The following ADAMTS6 variants were observed in gnomAD, a reference collection of about 807,000 sequenced individuals.
ADAMTS6 encodes A disintegrin and metalloproteinase with thrombospondin motifs 6.
Under a neutral mutation model 144.3 loss-of-function variants are expected in ADAMTS6, and 23 were observed. The observed-to-expected ratio is 0.16, with a 90% CI of 0.11 to 0.23. ADAMTS6 has a LOEUF of 0.23. Among genes scored for constraint, ADAMTS6 ranks in the 10% least tolerant of loss-of-function variants. The probability of loss-of-function intolerance (pLI) is 1.00; values close to 1 mark genes in which losing one functional copy is unlikely to be tolerated. For synonymous variants in ADAMTS6, 444 were observed against 457.5 expected, an observed-to-expected ratio of 0.97 and a Z score of 0.38; for missense variants, 999 against 1,379.6, an observed-to-expected ratio of 0.72 and a Z score of 4.37.
chr5:65,370,567 C>T (rs1387575441), intron 7 of ADAMTS6, among the ~76,000 whole-genome samples: 4 of 152,286 alleles, frequency 2.6e-5, no homozygotes, highest in South Asian at 2.1e-4. Context: ...GCTTTTCCGA[C>T]GGGCTTAAAA....
intron 18 of ADAMTS6, among the ~76,000 whole-genome samples, chr5:65,222,907 A>G (rs1270404669): frequency 6.6e-6 from 1 of 152,006 alleles, no homozygotes; most frequent in Admixed American, 6.6e-5. Flanking sequence ...ATGAAGACGC[A>G]AGCAGAAACT....
chr5:65,433,430 C>T (rs1757147614), intron 7 of ADAMTS6, among the ~76,000 whole-genome samples: 1 of 152,192 alleles, frequency 6.6e-6, no homozygotes, highest in Non-Finnish European at 1.5e-5. Flanking sequence ...TGCGTGACTA[C>T]AAAATCCACT....
intron 14 of ADAMTS6, among the ~76,000 whole-genome samples, chr5:65,246,213 C>T (rs1298595614): frequency 6.6e-6 from 1 of 152,180 alleles, no homozygotes; most frequent in African/African-American, 2.4e-5. Context: ...TATCCTTCTC[C>T]TTTCTTCTGG....
intron 7 of ADAMTS6, among the ~76,000 whole-genome samples, chr5:65,341,048 CAAG>C (rs1747772057): frequency 6.6e-6 from 1 of 151,742 alleles, no homozygotes; most frequent in African/African-American, 2.4e-5. Flanking sequence ...ATCAGATGTT[CAAG>C]AAGAACACTC....
At chr5:65,184,802 A>C (rs1754569964) in intron 22 of ADAMTS6, among the ~76,000 whole-genome samples, 1 of 151,870 alleles carries the variant, frequency 6.6e-6, no homozygotes, top group Non-Finnish European at 1.5e-5. Flanking sequence ...AGGTAATTTA[A>C]CTTTTTTTTT....
intron 7 of ADAMTS6, among the ~76,000 whole-genome samples, chr5:65,371,678 C>A (rs1029782892): frequency 6.6e-6 from 1 of 152,108 alleles, no homozygotes; most frequent in Non-Finnish European, 1.5e-5. Flanking sequence ...GAGAATGGAA[C>A]CAAGTTGGAA....
intron 3 of ADAMTS6, among the ~76,000 whole-genome samples, chr5:65,461,571 C>T (rs1234356484): frequency 4.0e-5 from 6 of 151,256 alleles, no homozygotes; most frequent in African/African-American, 1.5e-4. Flanking sequence ...CCCTGTAACA[C>T]CAGATAAAAT....
intron 11 of ADAMTS6, among the ~76,000 whole-genome samples, chr5:65,288,034 A>T (rs536948456): frequency 6.6e-6 from 1 of 152,346 alleles, no homozygotes; most frequent in East Asian, 1.9e-4. Flanking sequence ...ACACTTGAAA[A>T]ATAAGAAAAG....
intron 7 of ADAMTS6, among the ~76,000 whole-genome samples, chr5:65,360,046 A>G (rs1001435994): frequency 5.3e-5 from 8 of 152,244 alleles, no homozygotes; most frequent in Non-Finnish European, 1.0e-4. Context: ...TTGCACTGCT[A>G]TAAAGAAATA....
At chr5:65,294,389 T>C (rs1332087113) in intron 10 of ADAMTS6, among the ~76,000 whole-genome samples, 1 of 152,124 alleles carries the variant, frequency 6.6e-6, no homozygotes, top group Admixed American at 6.6e-5. Context: ...TTTGTATCTT[T>C]TGTAGATACT....
At chr5:65,248,780 G>C (rs1342203855) in intron 14 of ADAMTS6, among the ~76,000 whole-genome samples, 2 of 151,840 alleles carry the variant, frequency 1.3e-5, no homozygotes, top group Admixed American at 1.3e-4. Context: ...GAGCCTGACT[G>C]TCTCCAAAAA....
chr5:65,221,896 C>T (rs1278102547), intron 18 of ADAMTS6, among the ~76,000 whole-genome samples: 1 of 151,890 alleles, frequency 6.6e-6, no homozygotes, highest in Non-Finnish European at 1.5e-5. Context: ...TACAATAGCA[C>T]CAAAAAGCAT....
At chr5:65,333,546 T>C (rs1746984627) in intron 8 of ADAMTS6, among the ~76,000 whole-genome samples, 1 of 151,908 alleles carries the variant, frequency 6.6e-6, no homozygotes, top group Non-Finnish European at 1.5e-5. Context: ...CTATACTTTT[T>C]CCACAAAATT....
At chr5:65,467,117 T>C (rs993574059) in intron 3 of ADAMTS6, among the ~76,000 whole-genome samples, 1 of 150,484 alleles carries the variant, frequency 6.6e-6, no homozygotes, top group African/African-American at 2.4e-5. Flanking sequence ...ATATGACTGC[T>C]GTAATTTTTT....
intron 1 of ADAMTS6, among the ~76,000 whole-genome samples, chr5:65,480,005 GCA>G (rs1761091412): frequency 6.6e-6 from 1 of 152,128 alleles, no homozygotes; most frequent in Admixed American, 6.5e-5. Flanking sequence ...AAACCAGACT[GCA>G]GTTACCACTT....
intron 3 of ADAMTS6, 100 bp downstream of exon 3, chr5:65,470,678 C>A: frequency 2.1e-6 from 2 of 941,906 alleles, no homozygotes; most frequent in Non-Finnish European, 2.8e-6. Flanking sequence ...CTTAAACTAC[C>A]TATATATATA....
chr5:65,257,515 T>C (rs1429929021), intron 14 of ADAMTS6, among the ~76,000 whole-genome samples: 1 of 152,202 alleles, frequency 6.6e-6, no homozygotes, highest in Admixed American at 6.5e-5. Context: ...GCAGAGCCCA[T>C]GGCTCAGCAC....
chr5:65,209,823 T>C (rs888172082), intron 20 of ADAMTS6: 1 of 152,232 alleles, frequency 6.6e-6, no homozygotes, highest in Non-Finnish European at 1.5e-5. Flanking sequence ...CAGCACCTCC[T>C]TGGAGAGATG....
intron 7 of ADAMTS6, among the ~76,000 whole-genome samples, chr5:65,334,480 C>A (rs1168792391): frequency 6.6e-6 from 1 of 152,150 alleles, no homozygotes; most frequent in Non-Finnish European, 1.5e-5. Flanking sequence ...GGTTTTGTTA[C>A]AGACACAGAC....
Sources: gnomAD v4.1 joint callset for allele counts (sites outside exome capture counted in the v4.1 genomes callset) on GRCh38, gnomAD v4.1.1 for gene constraint, MANE v1.5 for transcripts, NCBI Gene and HGNC (gene_info 2026-07-23, HGNC 2026-07-21) for gene names.